The following COL13A1 variants were observed in gnomAD, a reference collection of about 807,000 sequenced individuals.
COL13A1 encodes collagen alpha-1(XIII) chain.
In COL13A1, 89 loss-of-function variants were observed where a neutral mutation model predicts 130.9. The ratio of observed to expected loss-of-function variants is 0.68; its 90% CI spans 0.57 to 0.81. The LOEUF is 0.81. COL13A1 is among the 30% of genes least tolerant of loss of function. The pLI is 0.00. For missense variants in COL13A1, 879 were observed against 934.6 expected (o/e 0.94, Z 0.78); for synonymous variants, 402 against 341.6 (o/e 1.18, Z -1.95).
intron 8 of COL13A1, 84 bp downstream of exon 8, chr10:69,887,575 G>T (rs1267462869): frequency 5.5e-6 from 8 of 1,442,854 alleles, no homozygotes; most frequent in Non-Finnish European, 7.7e-6. Context: ...GTCAGCCCCG[G>T]TTCCACTCTT....
At chr10:69,846,241 C>T (rs561840739) in intron 2 of COL13A1, among the ~76,000 whole-genome samples, 6 of 152,278 alleles carry the variant, frequency 3.9e-5, no homozygotes, top group Admixed American at 1.3e-4. Context: ...GGTCCCAAGA[C>T]AGGGTCCTGG....
chr10:69,802,703 C>A lies in COL13A1; in HGVS notation c.280C>A (p.Gln94Lys). Residue 94 changes from glutamine to lysine, a missense_variant, in exon 1 of 41, where the codon CAA (glutamine) becomes AAA (lysine). Gln to Lys is a moderately conservative substitution (Grantham distance 53). This residue lies in a region of COL13A1 where 715 missense variants were observed against 721.0 expected (regional missense o/e 0.99). Transcript: ENST00000645393. ...GACGGCTATTTTGGGACGAGTCAAT[C>A]AACTGCTGGACGAGGTCTGTGCTCT... ...METAILGRVNQLLDEKWKLHS... is the reference protein window; with the variant it reads ...METAILGRVNKLLDEKWKLHS... 6.2e-7 allele frequency: 1 copy of A among 1,612,178 alleles called. No individual in the cohort carries two copies. Among genetic ancestry groups the A allele is most frequent in the Non-Finnish European group, 8.5e-7 (1 of 1,179,116 alleles).
rs114398738 is a variant in COL13A1 at position 69,919,010 on chromosome 10, A to G, written c.1000-52A>G. On this transcript the variant is annotated intron_variant, in intron 19 of 40. Coordinates refer to ENST00000645393, the MANE Select transcript of COL13A1 (RefSeq NM_001368882.1). ...ACCTCCACCAACAGGTGCCTTGCTC[A>G]TTTGTTTCTGCTTTTTCTGTCTCTC... is the stretch of plus-strand genomic sequence containing the variant. 1.1e-4 allele frequency: 182 copies of G among 1,612,932 alleles called. 1 individual carries two copies. The African/African-American group carries it at 1.9e-3, about 17-fold the overall frequency.
intron 36 of COL13A1, among the ~76,000 whole-genome samples, chr10:69,944,808 T>G (rs1049346519): frequency 1.3e-5 from 2 of 152,242 alleles, no homozygotes; most frequent in Non-Finnish European, 2.9e-5. Flanking sequence ...GGCAAGGCCC[T>G]GGGCGCCATT....
At chr10:69,900,356 G>T (rs545340259) in intron 14 of COL13A1, among the ~76,000 whole-genome samples, 1 of 152,126 alleles carries the variant, frequency 6.6e-6, no homozygotes, top group Admixed American at 6.5e-5. Flanking sequence ...ACTATCCCCC[G>T]CTTTACAAAG....
chr10:69,956,987 T>C lies in COL13A1; in HGVS notation c.2146-17T>C. 1.9e-6 allele frequency: 3 copies of C among 1,612,960 alleles called. No individual in the cohort carries two copies. The highest frequency in any genetic ancestry group is 2.5e-6 in the Non-Finnish European group (3 of 1,178,988). ...TTGCAGGAAGTCTGAGCCCTCTGCCTTCCTTTCTCCTTGCAGGGCGAAGAT... is the reference window on the plus strand; with the variant it reads ...TTGCAGGAAGTCTGAGCCCTCTGCCCTCCTTTCTCCTTGCAGGGCGAAGAT... On this transcript the variant is annotated splice_polypyrimidine_tract_variant and intron_variant, in intron 39 of 40. Transcript: ENST00000645393.
chr10:69,910,209 G>A (rs1447422192), intron 17 of COL13A1, among the ~76,000 whole-genome samples: 1 of 151,964 alleles, frequency 6.6e-6, no homozygotes, highest in African/African-American at 2.4e-5. Flanking sequence ...AAGGCCTACG[G>A]AGGAGGCACT....
rs551848780 is a variant in COL13A1, at chr10:69,873,442, T to A, written c.399+1232T>A. ...GGAAACATCAGATGACCGAGGGGAATGTGGGCAGACTTTGTTTCTTTCTTA... is the reference window on the plus strand; with the variant it reads ...GGAAACATCAGATGACCGAGGGGAAAGTGGGCAGACTTTGTTTCTTTCTTA... On this transcript the variant is annotated intron_variant, in intron 4 of 40. Coordinates refer to ENST00000645393, the MANE Select transcript of COL13A1 (RefSeq NM_001368882.1). 1.2e-4 allele frequency among the ~76,000 whole-genome samples: 18 copies of A among 152,258 alleles called. No individual in the cohort carries two copies. In the South Asian group the frequency reaches 2.3e-3, roughly 19 times the overall value.
At chr10:69,810,765 G>A (rs574588621) in intron 1 of COL13A1, among the ~76,000 whole-genome samples, 20 of 152,286 alleles carry the variant, frequency 1.3e-4, no homozygotes, top group Middle Eastern at 3.4e-3. Flanking sequence ...CACCAGCTGC[G>A]CTGGGTGTTG....
intron 1 of COL13A1, among the ~76,000 whole-genome samples, chr10:69,810,671 T>C (rs964591535): frequency 2.0e-5 from 3 of 152,162 alleles, no homozygotes; most frequent in Admixed American, 1.3e-4. Flanking sequence ...AAACAGTCTA[T>C]TGAGCCCTCA....
At chr10:69,932,678 A>C in intron 31 of COL13A1, 74 bp downstream of exon 31, 1 of 1,024,882 alleles carries the variant, frequency 9.8e-7, no homozygotes. Context: ...TCTGTGCTTT[A>C]GAATGAAGCT....
chr10:69,910,483 A>G (rs2135362636), intron 17 of COL13A1, among the ~76,000 whole-genome samples: 1 of 152,168 alleles, frequency 6.6e-6, no homozygotes, highest in African/African-American at 2.4e-5. Flanking sequence ...GAAGTTTGCT[A>G]ATGTCCACCA....
intron 38 of COL13A1, among the ~76,000 whole-genome samples, chr10:69,951,096 G>A (rs544116228): frequency 1.4e-4 from 22 of 152,018 alleles, no homozygotes; most frequent in Non-Finnish European, 1.8e-4. Context: ...TGATCCGCCC[G>A]CCTCCGCCTC....
At chr10:69,925,082 A>G in intron 25 of COL13A1, 75 bp downstream of exon 25, 11 of 1,386,452 alleles carry the variant, frequency 7.9e-6, no homozygotes, top group Non-Finnish European at 1.0e-5. Context: ...ACAGGTCTCA[A>G]TTAATATTTA....
intron 14 of COL13A1, 106 bp downstream of exon 14, chr10:69,898,868 T>A: frequency 1.2e-6 from 1 of 844,122 alleles, no homozygotes; most frequent in Non-Finnish European, 1.8e-6. Context: ...TCAGTGAAAT[T>A]AAATCAGACA....
rs550070646 is a variant in COL13A1, at chr10:69,931,447, G to A, written c.1683+895G>A. The stretch of plus-strand genomic sequence containing the variant: ...CAGCTACTTCATTTGAGTGTAAACA[G>A]GAGTTGCATCTTCCTTGGCTCACGG... On this transcript the variant is annotated intron_variant, in intron 30 of 40. Transcript: ENST00000645393. Among the ~76,000 whole-genome samples, 32 of 152,310 alleles carry A rather than the reference G, an allele frequency of 2.1e-4. 1 individual carries two copies. In the East Asian group the frequency reaches 3.1e-3, roughly 15 times the overall value.
chr10:69,886,445 T>C (rs2060600860), intron 7 of COL13A1, among the ~76,000 whole-genome samples: 1 of 152,212 alleles, frequency 6.6e-6, no homozygotes, highest in Non-Finnish European at 1.5e-5. Context: ...AGATTCTGGC[T>C]GTGTCAGCCA....
intron 14 of COL13A1, among the ~76,000 whole-genome samples, chr10:69,900,482 C>G (rs1278442859): frequency 6.6e-6 from 1 of 152,144 alleles, no homozygotes; most frequent in Admixed American, 6.5e-5. Context: ...ACCTGGTTTC[C>G]AAAGTAGAGA....
At chr10:69,841,805 C>CT (rs1851675408) in intron 2 of COL13A1, among the ~76,000 whole-genome samples, 1 of 152,152 alleles carries the variant, frequency 6.6e-6, no homozygotes, top group Admixed American at 6.5e-5. Context: ...GGCAAGGGAA[C>CT]AGCAAGGGCA....
Sources: gnomAD v4.1 joint callset for allele counts (sites outside exome capture counted in the v4.1 genomes callset) on GRCh38, gnomAD v4.1.1 for gene constraint, gnomAD v4.1.1 regional missense constraint, MANE v1.5 for transcripts, NCBI Gene and HGNC (gene_info 2026-07-23, HGNC 2026-07-21) for gene names.